The following TMEM144 variants were observed in gnomAD, a reference collection of about 807,000 sequenced individuals.
TMEM144 encodes the protein transmembrane protein 144.
A neutral mutation model predicts 43.6 loss-of-function variants in TMEM144; 39 were observed. The observed-to-expected ratio is 0.90, with a 90% CI of 0.69 to 1.17. The LOEUF (loss-of-function observed/expected upper bound fraction) is 1.17. Ranked by LOEUF, TMEM144 falls within the 50% of genes most tolerant of loss-of-function variation. The probability of loss-of-function intolerance (pLI) is 0.00; values close to 1 mark genes in which losing one functional copy is unlikely to be tolerated. For missense variants in TMEM144, 417 were observed against 411.9 expected (o/e 1.01, Z -0.11); for synonymous variants, 154 against 133.6 (o/e 1.15, Z -1.06).
Position 158,221,569 on chromosome 4 carries a change from A to G in TMEM144, c.413+2179A>G, listed in dbSNP as rs570146867. Among the ~76,000 whole-genome samples, 228 of 152,360 alleles carry G rather than the reference A, an allele frequency of 1.5e-3. 1 individual carries two copies. Among genetic ancestry groups the G allele is most frequent in the South Asian group, 8.9e-3 (43 of 4,826 alleles). ...TTGAAGATCCAGAAGCCAGAGGTCT[A>G]TAACAAGACAGATGTCCTTTTCAAT... On this transcript the variant is annotated intron_variant, in intron 6 of 12. Transcript: ENST00000296529.
intron 6 of TMEM144, among the ~76,000 whole-genome samples, chr4:158,227,122 A>T (rs1217259189): frequency 2.9e-5 from 4 of 139,180 alleles, no homozygotes; most frequent in East Asian, 2.0e-4. Flanking sequence ...ATTGGTATAG[A>T]TGGCTTTTTT....
At chr4:158,211,120 G>A (rs775187124) in intron 1 of TMEM144, 1 of 152,092 alleles carries the variant, frequency 6.6e-6, no homozygotes, top group Non-Finnish European at 1.5e-5. Flanking sequence ...GTAAGTTATT[G>A]CCAATTCACA....
intron 11 of TMEM144, among the ~76,000 whole-genome samples, chr4:158,242,235 A>C (rs1735669460): frequency 6.6e-6 from 1 of 152,102 alleles, no homozygotes; most frequent in African/African-American, 2.4e-5. Flanking sequence ...TAACTTTCTT[A>C]CCTTGTGCGC....
intron 8 of TMEM144, 106 bp from the exon 9 acceptor site, chr4:158,237,419 G>T: frequency 2.4e-6 from 2 of 829,728 alleles, no homozygotes; most frequent in Non-Finnish European, 3.9e-6. Context: ...GATGGTTTTT[G>T]CTTGTTTGTG....
chr4:158,237,878 A>G (rs188819074), intron 9 of TMEM144, among the ~76,000 whole-genome samples: 4 of 152,146 alleles, frequency 2.6e-5, no homozygotes, highest in African/African-American at 9.7e-5. Flanking sequence ...TTGGATCTCA[A>G]CACATGGTTT....
At chr4:158,230,028 G>A (rs1013959067) in intron 6 of TMEM144, among the ~76,000 whole-genome samples, 2 of 152,198 alleles carry the variant, frequency 1.3e-5, no homozygotes, top group Non-Finnish European at 2.9e-5. Context: ...CCCTCCCTTC[G>A]GGAGCTCAGC....
Position 158,255,210 on chromosome 4 carries a change from TATACTC to T in TMEM144, c.*1686_*1691del. 6.6e-6 allele frequency: 1 copy of T among 152,240 alleles called. No homozygotes were observed. Among genetic ancestry groups the T allele is most frequent in the East Asian group, 1.9e-4 (1 of 5,186 alleles). The allele number at this position is 152,240 out of a possible 1,614,324, so 9.4% of individuals were successfully genotyped here. A position where few individuals can be genotyped will look rare whatever the true frequency, so the allele number is the denominator to read the frequency against. On this transcript the variant is annotated 3_prime_UTR_variant, in exon 13 of 13. Coordinates refer to ENST00000296529, the MANE Select transcript of TMEM144 (RefSeq NM_018342.5). ...AAATAAATATTTGACTATAACTTCTTATACTCATTTTAATTTTAACCTGAAATGTCA... is the reference window on the plus strand; with the variant it reads ...AAATAAATATTTGACTATAACTTCTTATTTTAATTTTAACCTGAAATGTCA...
intron 6 of TMEM144, among the ~76,000 whole-genome samples, chr4:158,229,787 G>A (rs930684329): frequency 6.6e-6 from 1 of 152,196 alleles, no homozygotes; most frequent in Non-Finnish European, 1.5e-5. Flanking sequence ...TTCTGCCACA[G>A]ACAGTGTGTT....
intron 7 of TMEM144, chr4:158,233,943 C>A (rs558194579): frequency 5.9e-5 from 9 of 152,232 alleles, no homozygotes; most frequent in Non-Finnish European, 1.2e-4. Context: ...TCCTTGCCTG[C>A]TTCAGGGATC....
chr4:158,214,383 T>G (rs1411557063), intron 3 of TMEM144, among the ~76,000 whole-genome samples: 1 of 152,226 alleles, frequency 6.6e-6, no homozygotes, highest in Non-Finnish European at 1.5e-5. Flanking sequence ...TCCTCCATCA[T>G]GAGATTGAAT....
chr4:158,222,002 T>C (rs1382048489), intron 6 of TMEM144, among the ~76,000 whole-genome samples: 1 of 152,198 alleles, frequency 6.6e-6, no homozygotes, highest in Non-Finnish European at 1.5e-5. Flanking sequence ...TCTCTCTCCA[T>C]AGAAGGCCAC....
At chr4:158,243,093 C>A (rs1171704757) in intron 11 of TMEM144, among the ~76,000 whole-genome samples, 2 of 152,190 alleles carry the variant, frequency 1.3e-5, no homozygotes, top group African/African-American at 4.8e-5. Flanking sequence ...GTACCATGTT[C>A]TCTGAAGGGA....
intron 12 of TMEM144, among the ~76,000 whole-genome samples, chr4:158,250,522 C>T (rs140841232): frequency 9.9e-5 from 15 of 152,272 alleles, no homozygotes; most frequent in African/African-American, 3.6e-4. Context: ...CTATCCTGCC[C>T]CAACCCTGTT....
chr4:158,238,049 T>A (rs192867596), intron 9 of TMEM144, among the ~76,000 whole-genome samples: 176 of 152,348 alleles, frequency 1.2e-3, no homozygotes, highest in African/African-American at 4.0e-3. Context: ...ATATTATTTT[T>A]AAAGTACAGA....
intron 11 of TMEM144, among the ~76,000 whole-genome samples, chr4:158,243,836 A>G (rs868165851): frequency 6.6e-6 from 1 of 152,182 alleles, no homozygotes; most frequent in South Asian, 2.1e-4. Context: ...TTAAAGCACG[A>G]GCTACTTCCA....
At chr4:158,222,293 A>T (rs1734547795) in intron 6 of TMEM144, among the ~76,000 whole-genome samples, 1 of 152,220 alleles carries the variant, frequency 6.6e-6, no homozygotes, top group Non-Finnish European at 1.5e-5. Context: ...CTGAATTCAG[A>T]ATAAACTTGT....
At chr4:158,249,573 T>A in intron 12 of TMEM144, among the ~76,000 whole-genome samples, 1 of 152,150 alleles carries the variant, frequency 6.6e-6, no homozygotes, top group East Asian at 1.9e-4. Context: ...AATCTTAACA[T>A]TGAAGGGGAA....
chr4:158,216,927 C>T (rs1049708757), intron 4 of TMEM144, among the ~76,000 whole-genome samples: 1 of 151,936 alleles, frequency 6.6e-6, no homozygotes, highest in Non-Finnish European at 1.5e-5. Context: ...CATGGAAGAG[C>T]AAATTCTGGG....
At chr4:158,243,756 T>C (rs1268838882) in intron 11 of TMEM144, among the ~76,000 whole-genome samples, 1 of 152,216 alleles carries the variant, frequency 6.6e-6, no homozygotes, top group Non-Finnish European at 1.5e-5. Flanking sequence ...TAAACCTTTT[T>C]TTAGCATTCA....
Sources: gnomAD v4.1 joint callset for allele counts (sites outside exome capture counted in the v4.1 genomes callset) on GRCh38, gnomAD v4.1.1 for gene constraint, MANE v1.5 for transcripts, NCBI Gene and HGNC (gene_info 2026-07-23, HGNC 2026-07-21) for gene names.